The following ABCA12 variants were observed in gnomAD, a reference collection of about 807,000 sequenced individuals.
The protein encoded by ABCA12 is ATP binding cassette subfamily A member 12.
A neutral mutation model predicts 293.5 loss-of-function variants in ABCA12; 156 were observed. That is an observed-to-expected ratio of 0.53 (90% CI 0.47 to 0.61). The LOEUF is 0.61. ABCA12 is among the 20% of genes least tolerant of loss of function. ABCA12 has a pLI of 0.00. For missense variants in ABCA12, 2,797 were observed against 3,090.2 expected, an observed-to-expected ratio of 0.91 and a Z score of 2.25; for synonymous variants, 1,063 against 1,108.0, an observed-to-expected ratio of 0.96 and a Z score of 0.81.
chr2:215,040,816 A>T (rs1305634846), intron 7 of ABCA12, among the ~76,000 whole-genome samples: 1 of 148,174 alleles, frequency 6.7e-6, no homozygotes, highest in Non-Finnish European at 1.5e-5. Context: ...CGTCTCAAAA[A>T]ACAAACAAAA....
At chr2:215,065,426 A>G (rs1701623728) in intron 2 of ABCA12, among the ~76,000 whole-genome samples, 1 of 151,826 alleles carries the variant, frequency 6.6e-6, no homozygotes, top group Non-Finnish European at 1.5e-5. Flanking sequence ...ATGGCCATGC[A>G]TTAATCTACC....
Position 215,049,712 on chromosome 2 carries a change from C to A in ABCA12, c.607G>T (p.Gly203Ter), listed in dbSNP as rs1488064062. 6.2e-7 allele frequency: 1 copy of A among 1,613,590 alleles called. No homozygotes were observed. Among genetic ancestry groups the A allele is most frequent in the South Asian group, 1.1e-5 (1 of 91,070 alleles). The change falls in exon 6 of 53, where the codon GGA becomes TGA. Residue 203 changes from glycine (G) to a stop codon, truncating the protein, a stop_gained. Coordinates refer to ENST00000272895, the MANE Select transcript of ABCA12 (RefSeq NM_173076.3). LOFTEE classifies it high-confidence loss of function. ...VDDAFSWTFL[G>*]RNVFNKFCLS... is the part of the protein sequence containing the mutation. ...CAAAATTTGTTAAAAACATTTCTTC[C>A]TAGAAAGGTCCAAGAGAAGGCATCA...
chr2:214,980,265 A>G (rs1699617189), intron 31 of ABCA12, among the ~76,000 whole-genome samples: 1 of 152,148 alleles, frequency 6.6e-6, no homozygotes. Context: ...CTGCACTCCC[A>G]TCCCAGACCT....
intron 3 of ABCA12, 143 bp downstream of exon 3, chr2:215,063,923 G>A: frequency 9.9e-7 from 1 of 1,012,066 alleles, no homozygotes; most frequent in South Asian, 1.3e-5. Flanking sequence ...TACCTACTTT[G>A]TTATTTCATA....
rs1228820030 is a variant in ABCA12, at chr2:214,947,564, C to T, written c.7105-8G>A. 6 of 1,612,526 alleles carry T rather than the reference C, an allele frequency of 3.7e-6. No homozygotes were observed. The South Asian group carries it at 6.6e-5, about 18-fold the overall frequency. On this transcript the variant is annotated splice_polypyrimidine_tract_variant and splice_region_variant and intron_variant, in intron 47 of 52. Transcript: ENST00000272895. ...AAGGAGTTTATGAACAGTCTGTAGGCAATAAAAGGGGAGTTAGGTTGACCT... is the reference window on the plus strand; with the variant it reads ...AAGGAGTTTATGAACAGTCTGTAGGTAATAAAAGGGGAGTTAGGTTGACCT...
chr2:215,046,461 A>AT (rs2083869785), intron 6 of ABCA12, among the ~76,000 whole-genome samples: 1 of 147,770 alleles, frequency 6.8e-6, no homozygotes, highest in Non-Finnish European at 1.5e-5. Context: ...ATACGGATAG[A>AT]TTTTTATATA....
At chr2:215,114,209 A>C (rs1350326653) in intron 1 of ABCA12, among the ~76,000 whole-genome samples, 1 of 152,188 alleles carries the variant, frequency 6.6e-6, no homozygotes, top group East Asian at 1.9e-4. Flanking sequence ...TCTTGACCTC[A>C]TAATCTGCCC....
At position 215,037,116 on chromosome 2, in the gene ABCA12, C is replaced by G. The variant is rs774347106; in HGVS notation, c.873-51G>C. On this transcript the variant is annotated intron_variant, in intron 7 of 52. Coordinates refer to ENST00000272895, the MANE Select transcript of ABCA12 (RefSeq NM_173076.3). The stretch of plus-strand genomic sequence containing the variant: ...CAGATTCTGTTTCAAGGTTTGCAGA[C>G]AGAAACAAAAGATTATTCAAGGAGA... 48 of 1,460,522 alleles carry G rather than the reference C, an allele frequency of 3.3e-5. No homozygotes were observed. In the Admixed American group the frequency reaches 8.0e-4, roughly 24 times the overall value. 90.5% of individuals were successfully genotyped at this position (1,460,522 alleles called of 1,614,324 possible).
intron 45 of ABCA12, 140 bp from the exon 46 acceptor site, chr2:214,949,289 T>G: frequency 1.4e-6 from 1 of 692,332 alleles, no homozygotes; most frequent in Non-Finnish European, 2.5e-6. Context: ...GATAGTGTAA[T>G]GCTCTTGATA....
rs191110237 is a variant in ABCA12 at position 215,093,817 on chromosome 2, G to A, written c.163+17780C>T. On this transcript the variant is annotated intron_variant, in intron 2 of 52. Transcript: ENST00000272895. ...TTGTTCCTGGCCCAGACTTCAATCC[G>A]GCCTCCCACATTATTCCTGATACCA... is the stretch of plus-strand genomic sequence containing the variant. 4.9e-4 allele frequency among the ~76,000 whole-genome samples: 74 copies of A among 152,070 alleles called. No individual in the cohort carries two copies. The East Asian group carries it at 0.011, about 23-fold the overall frequency.
chr2:215,109,082 C>T (rs1375058231), intron 2 of ABCA12, among the ~76,000 whole-genome samples: 2 of 151,012 alleles, frequency 1.3e-5, no homozygotes, highest in African/African-American at 2.4e-5. Flanking sequence ...AAAAAGGAGG[C>T]GGGGGGGCAA....
intron 11 of ABCA12, chr2:215,022,084 G>A (rs766461219): frequency 1.3e-5 from 2 of 151,916 alleles, no homozygotes; most frequent in African/African-American, 2.4e-5. Context: ...ACATTCTCCA[G>A]GGAGTTTTTT....
intron 11 of ABCA12, chr2:215,025,430 G>T (rs1234511618): frequency 9.0e-6 from 4 of 446,390 alleles, no homozygotes; most frequent in Non-Finnish European, 1.2e-5. Flanking sequence ...TGAGTAGCTG[G>T]AATTACAGGC....
intron 2 of ABCA12, among the ~76,000 whole-genome samples, chr2:215,090,419 A>G (rs1702120037): frequency 6.6e-6 from 1 of 152,172 alleles, no homozygotes; most frequent in African/African-American, 2.4e-5. Context: ...GACCAGCCCA[A>G]GGAACATCTC....
chr2:215,107,717 T>C (rs1277834997), intron 2 of ABCA12, among the ~76,000 whole-genome samples: 1 of 152,196 alleles, frequency 6.6e-6, no homozygotes, highest in Non-Finnish European at 1.5e-5. Context: ...TAATTATATT[T>C]GTTCTAAATG....
chr2:214,989,466 A>G lies in ABCA12; in HGVS notation c.3695-3T>C, dbSNP rs761497553. 1 of 1,613,660 alleles carries G rather than the reference A, an allele frequency of 6.2e-7. No individual in the cohort carries two copies. The highest frequency in any genetic ancestry group is 8.5e-7 in the Non-Finnish European group (1 of 1,179,872). ...GTACATATTTTCCCACTGAAGACCT[A>G]AAAAGTGAACACAAGTGTTTATTCT... On this transcript the variant is annotated splice_polypyrimidine_tract_variant and splice_region_variant and intron_variant, in intron 25 of 52. Coordinates refer to ENST00000272895, the MANE Select transcript of ABCA12 (RefSeq NM_173076.3).
At chr2:215,075,065 G>T (rs1051031809) in intron 2 of ABCA12, among the ~76,000 whole-genome samples, 1 of 152,164 alleles carries the variant, frequency 6.6e-6, no homozygotes, top group African/African-American at 2.4e-5. Context: ...TGAGTCAAAT[G>T]TGAGAGTGTA....
At chr2:215,072,342 G>A (rs1182406646) in intron 2 of ABCA12, among the ~76,000 whole-genome samples, 1 of 152,128 alleles carries the variant, frequency 6.6e-6, no homozygotes, top group Admixed American at 6.5e-5. Flanking sequence ...TTGAGACTCT[G>A]GCTATGAAAC....
chr2:215,004,401 G>T, intron 19 of ABCA12, 102 bp from the exon 20 acceptor site: 3 of 816,512 alleles, frequency 3.7e-6, no homozygotes, highest in East Asian at 2.7e-5. Flanking sequence ...CCACAACTGG[G>T]CATTATCAAT....
Sources: gnomAD v4.1 joint callset for allele counts (sites outside exome capture counted in the v4.1 genomes callset) on GRCh38, gnomAD v4.1.1 for gene constraint, MANE v1.5 for transcripts, NCBI Gene and HGNC (gene_info 2026-07-23, HGNC 2026-07-21) for gene names.